INPP5A: variants seen among roughly 807,000 people sequenced by gnomAD.
INPP5A encodes the protein inositol polyphosphate-5-phosphatase A.
INPP5A carries 14 observed loss-of-function variants against 65.2 expected under a neutral mutation model. That is an observed-to-expected ratio of 0.21 (90% CI 0.14 to 0.34). INPP5A has a LOEUF of 0.34. Among genes scored for constraint, INPP5A ranks in the 10% least tolerant of loss-of-function variants. The pLI, the probability that INPP5A is intolerant of heterozygous loss-of-function variation, is 1.00. For synonymous variants in INPP5A, 207 were observed against 208.3 expected (o/e 0.99, Z 0.05); for missense variants, 431 against 545.6 (o/e 0.79, Z 2.09).
chr10:132,542,216 T>C (rs77904560), intron 1 of INPP5A, among the ~76,000 whole-genome samples: 13,601 of 152,298 alleles, frequency 0.089, 687 homozygotes, highest in Middle Eastern at 0.11. Context: ...TGAGCCAGTT[T>C]GCCTTTTTGC....
chr10:132,583,005 G>A (rs921473640), intron 1 of INPP5A, among the ~76,000 whole-genome samples: 8 of 152,170 alleles, frequency 5.3e-5, no homozygotes, highest in African/African-American at 9.7e-5. Flanking sequence ...GCTTGGAATC[G>A]TAGATCAGTG....
chr10:132,648,549 T>C (rs1231452855), intron 3 of INPP5A, among the ~76,000 whole-genome samples: 1 of 152,272 alleles, frequency 6.6e-6, no homozygotes, highest in Non-Finnish European at 1.5e-5. Context: ...CTTTAACATT[T>C]ATTTTAGCAC....
intron 4 of INPP5A, among the ~76,000 whole-genome samples, chr10:132,658,575 G>A (rs561731210): frequency 6.6e-6 from 1 of 152,286 alleles, no homozygotes; most frequent in Admixed American, 6.5e-5. Context: ...CTGGCTGCAG[G>A]CCGGGCCTTG....
intron 11 of INPP5A, among the ~76,000 whole-genome samples, chr10:132,754,662 G>C (rs770596597): frequency 1.3e-5 from 2 of 152,360 alleles, no homozygotes; most frequent in African/African-American, 2.4e-5. Context: ...GGGTGGGAAA[G>C]TGGCCTTGGT....
rs556004176 is a variant in INPP5A, at chr10:132,663,548, G to C, written c.306+13043G>C. ...AAAGACATTTTTAAGGTTAAGTAAG[G>C]CTTTGTTGATTTTGAATGTAACATT... On this transcript the variant is annotated intron_variant, in intron 4 of 15. Coordinates refer to ENST00000368594, the MANE Select transcript of INPP5A (RefSeq NM_005539.5). The surrounding 1 kb of genome is among the most constrained non-coding windows in gnomAD (Gnocchi z 4.5). 2.6e-5 allele frequency among the ~76,000 whole-genome samples: 4 copies of C among 152,310 alleles called. No individual in the cohort carries two copies. Among genetic ancestry groups the C allele is most frequent in the African/African-American group, 9.6e-5 (4 of 41,558 alleles).
chr10:132,594,856 C>T (rs2071664083), intron 1 of INPP5A, among the ~76,000 whole-genome samples: 1 of 152,158 alleles, frequency 6.6e-6, no homozygotes, highest in Non-Finnish European at 1.5e-5. Context: ...CTCCATGGTT[C>T]TCCCCGTCTG....
chr10:132,725,513 T>C (rs1332780132), intron 8 of INPP5A, among the ~76,000 whole-genome samples: 2 of 152,218 alleles, frequency 1.3e-5, no homozygotes, highest in Non-Finnish European at 2.9e-5. Flanking sequence ...GGGATTCTTC[T>C]ACTTCTCAAG....
intron 4 of INPP5A, among the ~76,000 whole-genome samples, chr10:132,683,512 G>A (rs181189399): frequency 1.6e-3 from 245 of 152,350 alleles, no homozygotes; most frequent in African/African-American, 5.4e-3. Flanking sequence ...TGGAGGGTGC[G>A]TGTCTGCAGT....
rs577834507 is a variant in INPP5A, at chr10:132,573,582, G to T, written c.76-34333G>T. On this transcript the variant is annotated intron_variant, in intron 1 of 15. Transcript: ENST00000368594. ...TGGGAGGTTTTGTTGAGATGTTGGG[G>T]TGTGTGTGCCGTGTGAGGTTTTGTT... Among the ~76,000 whole-genome samples the T allele has an allele frequency of 4.3e-5, 6 of 140,594 alleles. No homozygotes were observed. The South Asian group carries it at 1.1e-3, about 27-fold the overall frequency. The allele number at this position is 140,594 out of a possible 152,430, so 92.2% of individuals were successfully genotyped here.
intron 8 of INPP5A, among the ~76,000 whole-genome samples, chr10:132,714,613 C>G (rs1845707897): frequency 6.6e-6 from 1 of 152,200 alleles, no homozygotes; most frequent in African/African-American, 2.4e-5. Context: ...GGAGGGAGGG[C>G]AGGTCCCAGC....
intron 2 of INPP5A, among the ~76,000 whole-genome samples, chr10:132,643,259 T>G (rs2072449623): frequency 6.6e-6 from 1 of 152,206 alleles, no homozygotes; most frequent in Non-Finnish European, 1.5e-5. Context: ...ATCCAAGTTA[T>G]CACTGAATAT....
intron 8 of INPP5A, among the ~76,000 whole-genome samples, chr10:132,724,472 A>G (rs1383721816): frequency 1.3e-5 from 2 of 152,224 alleles, no homozygotes; most frequent in Non-Finnish European, 2.9e-5. Context: ...CTATATGGAA[A>G]TTAAAACTTT....
In INPP5A at chr10:132,678,111, T is replaced by A. The variant is rs2072992238; in HGVS notation, c.307-12281T>A. 6.6e-6 allele frequency among the ~76,000 whole-genome samples: 1 copy of A among 152,042 alleles called. No homozygotes were observed. Among genetic ancestry groups the A allele is most frequent in the Non-Finnish European group, 1.5e-5 (1 of 68,026 alleles). On this transcript the variant is annotated intron_variant, in intron 4 of 15. Coordinates refer to ENST00000368594, the MANE Select transcript of INPP5A (RefSeq NM_005539.5). The surrounding 1 kb of genome is among the most constrained non-coding windows in gnomAD (Gnocchi z 4.1). Reference sequence around the variant, plus strand: ...TCCCGTTTGGCCCCAGGAGCTGAAATTGGAAAGTCAGTGCTTTGTAAATAA... The same window carrying A: ...TCCCGTTTGGCCCCAGGAGCTGAAAATGGAAAGTCAGTGCTTTGTAAATAA...
intron 11 of INPP5A, among the ~76,000 whole-genome samples, chr10:132,761,675 T>C (rs1261135988): frequency 6.6e-6 from 1 of 152,090 alleles, no homozygotes; most frequent in African/African-American, 2.4e-5. Flanking sequence ...GCCAGTGCGG[T>C]GCAGGGACCC....
chr10:132,755,982 C>G (rs1359614230), intron 11 of INPP5A, among the ~76,000 whole-genome samples: 1 of 152,206 alleles, frequency 6.6e-6, no homozygotes, highest in Non-Finnish European at 1.5e-5. Flanking sequence ...CACCTGTGCA[C>G]ACACCAAACA....
At chr10:132,736,809 T>C (rs964346690) in intron 9 of INPP5A, among the ~76,000 whole-genome samples, 2 of 152,232 alleles carry the variant, frequency 1.3e-5, no homozygotes, top group Non-Finnish European at 2.9e-5. Context: ...CACCTGGTCA[T>C]GGCCCCCCAC....
rs1369962695 is a variant in INPP5A at position 132,575,743 on chromosome 10, C to G, written c.76-32172C>G. 1.3e-5 allele frequency among the ~76,000 whole-genome samples: 2 copies of G among 152,198 alleles called. No homozygotes were observed. The highest frequency in any genetic ancestry group is 2.9e-5 in the Non-Finnish European group (2 of 68,038). ...ACAGCCTTTCCCCGGTTCCCTGTGT[C>G]CCTCTGGCCGTGGGCTCCCGCGTGG... On this transcript the variant is annotated intron_variant, in intron 1 of 15. Transcript: ENST00000368594. The surrounding 1 kb of genome is among the most constrained non-coding windows in gnomAD (Gnocchi z 5.4).
Position 132,767,846 on chromosome 10 carries a change from C to CG in INPP5A, c.977+2000_977+2001insG, listed in dbSNP as rs1846877927. Among the ~76,000 whole-genome samples, 28 of 148,766 alleles carry CG rather than the reference C, an allele frequency of 1.9e-4. 2 individuals are homozygous for CG. Among genetic ancestry groups the CG allele is most frequent in the African/African-American group, 6.2e-4 (25 of 40,060 alleles). On this transcript the variant is annotated intron_variant, in intron 12 of 15. Transcript: ENST00000368594. ...GCATTCCAGAAAGATCCGTGGACCC[C>CG]AACCCTCAGCGTTCCCAGGGTGCCC...
At chr10:132,688,065 C>T (rs1196298015) in intron 4 of INPP5A, among the ~76,000 whole-genome samples, 1 of 152,208 alleles carries the variant, frequency 6.6e-6, no homozygotes, top group African/African-American at 2.4e-5. Flanking sequence ...CTGCACACGC[C>T]CTAGGAGCAG....
Sources: allele counts gnomAD v4.1 joint callset (sites outside exome capture counted in the v4.1 genomes callset), GRCh38; gene constraint gnomAD v4.1.1; non-coding constraint Gnocchi (gnomAD v3.1); transcripts MANE v1.5; gene names NCBI Gene and HGNC (gene_info 2026-07-23, HGNC 2026-07-21).